Variants in CNTN5 observed in about 807,000 individuals in gnomAD.
CNTN5 encodes contactin-5.
CNTN5 carries 77 observed loss-of-function variants against 129.1 expected under a neutral mutation model. That is an observed-to-expected ratio of 0.60 (90% CI 0.50 to 0.72). CNTN5 has a LOEUF of 0.72. Among genes scored for constraint, CNTN5 ranks in the 30% least tolerant of loss-of-function variants. The pLI, the probability that CNTN5 is intolerant of heterozygous loss-of-function variation, is 0.00. For synonymous variants in CNTN5, 509 were observed against 465.6 expected, an observed-to-expected ratio of 1.09 and a Z score of -1.20; for missense variants, 1,478 against 1,328.8, an observed-to-expected ratio of 1.11 and a Z score of -1.75.
At chr11:99,854,801 A>T (rs1269693668) in intron 6 of CNTN5, among the ~76,000 whole-genome samples, 1 of 152,174 alleles carries the variant, frequency 6.6e-6, no homozygotes, top group African/African-American at 2.4e-5. Flanking sequence ...AAACCATGGA[A>T]ATGTTTCACC....
At chr11:99,308,198 T>C (rs1253235445) in intron 1 of CNTN5, among the ~76,000 whole-genome samples, 1 of 152,210 alleles carries the variant, frequency 6.6e-6, no homozygotes, top group Non-Finnish European at 1.5e-5. Flanking sequence ...CTTACTCCTC[T>C]TTTTATGATA....
At chr11:99,801,174 T>G (rs1946103470) in intron 3 of CNTN5, among the ~76,000 whole-genome samples, 1 of 152,202 alleles carries the variant, frequency 6.6e-6, no homozygotes, top group Admixed American at 6.5e-5. Flanking sequence ...AAGATTTTAT[T>G]ATGTTTCATG....
chr11:100,108,807 C>G (rs1313638835), intron 13 of CNTN5, among the ~76,000 whole-genome samples: 1 of 151,560 alleles, frequency 6.6e-6, no homozygotes, highest in Non-Finnish European at 1.5e-5. Flanking sequence ...TGTATATTTT[C>G]TCACAACTGT....
chr11:99,069,513 C>T (rs1865245679), intron 1 of CNTN5, among the ~76,000 whole-genome samples: 1 of 152,108 alleles, frequency 6.6e-6, no homozygotes, highest in South Asian at 2.1e-4. Context: ...TTGTAATCAT[C>T]TCTGTTATGG....
At chr11:99,952,457 G>A (rs1043454101) in intron 7 of CNTN5, among the ~76,000 whole-genome samples, 1 of 152,118 alleles carries the variant, frequency 6.6e-6, no homozygotes, top group Non-Finnish European at 1.5e-5. Flanking sequence ...AGCAGCATCA[G>A]TAAAAATTAA....
At chr11:100,089,816 G>A (rs955440132) in intron 13 of CNTN5, among the ~76,000 whole-genome samples, 6 of 152,068 alleles carry the variant, frequency 3.9e-5, no homozygotes, top group African/African-American at 1.4e-4. Flanking sequence ...AACACCACAT[G>A]TTCTCACTTA....
intron 18 of CNTN5, among the ~76,000 whole-genome samples, chr11:100,286,826 C>T (rs1299232053): frequency 6.7e-6 from 1 of 149,394 alleles, no homozygotes; most frequent in Non-Finnish European, 1.5e-5. Flanking sequence ...GGAGGACATT[C>T]AAACCAAAGG....
Position 99,839,502 on chromosome 11 carries a change from G to A in CNTN5, c.278-5350G>A, listed in dbSNP as rs372070410. Among the ~76,000 whole-genome samples the A allele has an allele frequency of 2.0e-4, 31 of 152,104 alleles. No homozygotes were observed. In the Middle Eastern group the frequency reaches 0.01, roughly 50 times the overall value. On this transcript the variant is annotated intron_variant, in intron 4 of 24. Transcript: ENST00000524871. ...GAAGGAGGCAAGAGATTGAGAAACC[G>A]TCAGATTATAGTCAAACTCCTAACC...
At chr11:99,717,898 GATT>G (rs1473864920) in intron 3 of CNTN5, among the ~76,000 whole-genome samples, 7 of 152,190 alleles carry the variant, frequency 4.6e-5, no homozygotes, top group African/African-American at 1.7e-4. Context: ...TAGAGAAAGT[GATT>G]TAAGTTGCAT....
At chr11:99,699,405 T>C (rs1406306482) in intron 3 of CNTN5, among the ~76,000 whole-genome samples, 1 of 151,518 alleles carries the variant, frequency 6.6e-6, no homozygotes, top group Non-Finnish European at 1.5e-5. Flanking sequence ...GTAAAATAAC[T>C]TTCTTTATAA....
chr11:99,127,421 G>A (rs1196120087), intron 1 of CNTN5, among the ~76,000 whole-genome samples: 1 of 152,070 alleles, frequency 6.6e-6, no homozygotes, highest in East Asian at 1.9e-4. Flanking sequence ...GACTGCTTGA[G>A]ACATGTAGTA....
At chr11:100,036,486 T>C (rs1277967974) in intron 9 of CNTN5, among the ~76,000 whole-genome samples, 48 of 149,894 alleles carry the variant, frequency 3.2e-4, no homozygotes, top group Non-Finnish European at 1.5e-5. Context: ...TCAAAGTAGT[T>C]TTTTCCAATT....
intron 3 of CNTN5, among the ~76,000 whole-genome samples, chr11:99,557,688 C>A (rs1179760767): frequency 1.3e-5 from 2 of 151,554 alleles, no homozygotes; most frequent in East Asian, 3.9e-4. Context: ...AAAAGTATAA[C>A]TTCAATTATG....
At chr11:99,704,866 C>T (rs1954686701) in intron 3 of CNTN5, among the ~76,000 whole-genome samples, 1 of 151,042 alleles carries the variant, frequency 6.6e-6, no homozygotes, top group South Asian at 2.1e-4. Context: ...TGAGTCTTTC[C>T]CAGAAGATAG....
intron 3 of CNTN5, among the ~76,000 whole-genome samples, chr11:99,750,959 A>T (rs1944213169): frequency 6.6e-6 from 1 of 152,202 alleles, no homozygotes; most frequent in African/African-American, 2.4e-5. Flanking sequence ...TATAGGCAAA[A>T]GTCACGTGGT....
At chr11:99,996,383 A>T (rs561864818) in intron 8 of CNTN5, among the ~76,000 whole-genome samples, 2 of 152,258 alleles carry the variant, frequency 1.3e-5, no homozygotes, top group South Asian at 4.1e-4. Context: ...TAAAGTCTAA[A>T]TGTTTTACTC....
chr11:100,173,712 A>G (rs1322086061), intron 13 of CNTN5, among the ~76,000 whole-genome samples: 1 of 152,148 alleles, frequency 6.6e-6, no homozygotes, highest in Non-Finnish European at 1.5e-5. Flanking sequence ...TTCCACAGAC[A>G]TCACAGGTGT....
chr11:100,262,534 C>A (rs1950220235), intron 17 of CNTN5, among the ~76,000 whole-genome samples: 1 of 152,084 alleles, frequency 6.6e-6, no homozygotes, highest in South Asian at 2.1e-4. Context: ...AGACTTGGAA[C>A]CAACCCAAAT....
At chr11:100,062,328 G>A (rs1229241299) in intron 10 of CNTN5, among the ~76,000 whole-genome samples, 1 of 152,134 alleles carries the variant, frequency 6.6e-6, no homozygotes, top group Admixed American at 6.6e-5. Context: ...CCCTTTACAG[G>A]AACTCCTAAA....
Sources: allele counts gnomAD v4.1 joint callset (sites outside exome capture counted in the v4.1 genomes callset), GRCh38; gene constraint gnomAD v4.1.1; transcripts MANE v1.5; gene names NCBI Gene and HGNC (gene_info 2026-07-23, HGNC 2026-07-21).